GSAP: variants seen among roughly 807,000 people sequenced by gnomAD.
GSAP encodes gamma-secretase activating protein, also known as gamma-secretase-activating protein.
A neutral mutation model predicts 131.7 loss-of-function variants in GSAP; 118 were observed. The ratio of observed to expected loss-of-function variants is 0.90; its 90% CI spans 0.77 to 1.04. The LOEUF (loss-of-function observed/expected upper bound fraction) is 1.04, where lower values mean the gene tolerates loss of function less well. Among genes scored for constraint, GSAP ranks in the 50% least tolerant of loss-of-function variants. GSAP has a pLI of 0.00. For missense variants in GSAP, 1,019 were observed against 1,013.2 expected (o/e 1.01, Z -0.08); for synonymous variants, 381 against 363.4 (o/e 1.05, Z -0.55).
intron 17 of GSAP, 50 bp from the exon 18 acceptor site, chr7:77,353,076 G>A (rs1445436717): frequency 1.0e-6 from 1 of 992,750 alleles, no homozygotes; most frequent in South Asian, 1.3e-5. Flanking sequence ...GGTTTAATAA[G>A]ATGATGACAG....
intron 14 of GSAP, among the ~76,000 whole-genome samples, chr7:77,357,474 A>G (rs1055359433): frequency 3.3e-5 from 5 of 152,184 alleles, no homozygotes; most frequent in Non-Finnish European, 5.9e-5. Context: ...CGACCATACA[A>G]TGAGGAAAGT....
chr7:77,355,073 G>T (rs752092659), intron 16 of GSAP, 140 bp downstream of exon 16: 8 of 618,318 alleles, frequency 1.3e-5, no homozygotes, highest in Non-Finnish European at 2.3e-5. Context: ...CAGCGCAAAA[G>T]ATGACGATGT....
In GSAP at chr7:77,381,316, C is replaced by T. The variant is rs758673519; in HGVS notation, c.565G>A (p.Gly189Arg). 2 of 1,558,700 alleles carry T rather than the reference C, an allele frequency of 1.3e-6. No individual in the cohort carries two copies. Among genetic ancestry groups the T allele is most frequent in the Non-Finnish European group, 1.7e-6 (2 of 1,146,964 alleles). The stretch of plus-strand genomic sequence containing the variant: ...TTTCAAATCTTTACCACTCTATTTC[C>T]ATCTTCTTGGGCGACATGGATACGA... ...QFRIHVAQEDGNRVVIKNSGH... is the reference protein window; with the variant it reads ...QFRIHVAQEDRNRVVIKNSGH... Residue 189 changes from glycine to arginine, a missense_variant, in exon 8 of 31, where the codon GGA (glycine) becomes AGA (arginine). Coordinates refer to ENST00000257626, the MANE Select transcript of GSAP (RefSeq NM_017439.4).
chr7:77,392,406 G>A (rs1799721035), intron 5 of GSAP, among the ~76,000 whole-genome samples: 1 of 151,932 alleles, frequency 6.6e-6, no homozygotes, highest in Non-Finnish European at 1.5e-5. Context: ...AAATTAGCCA[G>A]GCGTGGTGGC....
intron 19 of GSAP, among the ~76,000 whole-genome samples, chr7:77,337,709 G>A (rs1402016116): frequency 6.6e-6 from 1 of 152,190 alleles, no homozygotes; most frequent in African/African-American, 2.4e-5. Flanking sequence ...CACTACAGAT[G>A]TCCAACTTAA....
At chr7:77,408,564 G>A (rs776224579) in intron 1 of GSAP, among the ~76,000 whole-genome samples, 14 of 151,654 alleles carry the variant, frequency 9.2e-5, no homozygotes, top group Non-Finnish European at 1.3e-4. Context: ...AGCTGGGCAC[G>A]GTGGTGCACA....
intron 19 of GSAP, among the ~76,000 whole-genome samples, chr7:77,342,250 G>A (rs1009880280): frequency 1.3e-5 from 2 of 151,830 alleles, no homozygotes; most frequent in Non-Finnish European, 1.5e-5. Context: ...AGGTAAGTCT[G>A]CCCCCTTCTT....
chr7:77,317,618 CT>C (rs1422608501), intron 26 of GSAP, among the ~76,000 whole-genome samples: 1 of 152,186 alleles, frequency 6.6e-6, no homozygotes, highest in Non-Finnish European at 1.5e-5. Flanking sequence ...TGGATAACAT[CT>C]TTGTTTTCCC....
chr7:77,391,053 G>A (rs1799417420), intron 5 of GSAP, among the ~76,000 whole-genome samples: 1 of 135,846 alleles, frequency 7.4e-6, no homozygotes, highest in South Asian at 2.3e-4. Flanking sequence ...CTTGAACCCA[G>A]GAAGCAGAGG....
intron 1 of GSAP, chr7:77,415,884 A>G (rs1804323428): frequency 1.1e-5 from 3 of 264,200 alleles, no homozygotes; most frequent in Non-Finnish European, 2.2e-5. Flanking sequence ...TGAGCTGAGC[A>G]CGACCCTCTG....
chr7:77,379,842 C>T, intron 8 of GSAP: 2 of 984,060 alleles, frequency 2.0e-6, no homozygotes, highest in Non-Finnish European at 2.4e-6. Flanking sequence ...GCTCCAGTGA[C>T]ATACTTTCTC....
At chr7:77,374,343 T>C (rs1189333224) in intron 11 of GSAP, among the ~76,000 whole-genome samples, 188 bp from the exon 12 acceptor site, 1 of 152,222 alleles carries the variant, frequency 6.6e-6, no homozygotes, top group African/African-American at 2.4e-5. Flanking sequence ...ATAAATGGCA[T>C]CAGCCTGATA....
At chr7:77,371,124 C>T (rs943860351) in intron 12 of GSAP, among the ~76,000 whole-genome samples, 1 of 152,138 alleles carries the variant, frequency 6.6e-6, no homozygotes, top group African/African-American at 2.4e-5. Context: ...TTCTAAGCTC[C>T]AGATCTTTTA....
intron 3 of GSAP, 23 bp downstream of exon 3, chr7:77,404,536 A>G: frequency 7.7e-7 from 1 of 1,302,800 alleles, no homozygotes; most frequent in East Asian, 2.3e-5. Flanking sequence ...TAAAGTAACC[A>G]ATGAGTAATC....
intron 14 of GSAP, among the ~76,000 whole-genome samples, chr7:77,358,282 A>C (rs1280934397): frequency 6.6e-6 from 1 of 152,262 alleles, no homozygotes; most frequent in Non-Finnish European, 1.5e-5. Flanking sequence ...CAGAGGTTGC[A>C]GTGAGCCAAG....
chr7:77,317,650 T>C (rs1787040129), intron 26 of GSAP, among the ~76,000 whole-genome samples: 1 of 152,206 alleles, frequency 6.6e-6, no homozygotes, highest in Non-Finnish European at 1.5e-5. Flanking sequence ...TGTGAAGGAA[T>C]GTGAGTTGGG....
In GSAP at chr7:77,374,553, C is replaced by T. The variant is rs191263899; in HGVS notation, c.786-398G>A. On this transcript the variant is annotated intron_variant, in intron 11 of 30. Coordinates refer to ENST00000257626, the MANE Select transcript of GSAP (RefSeq NM_017439.4). ...TCTTCTACATATTGATGGCCTTATGCTTATTTTTTCAGAAGCATCTCATGT... is the reference window on the plus strand; with the variant it reads ...TCTTCTACATATTGATGGCCTTATGTTTATTTTTTCAGAAGCATCTCATGT... Among the ~76,000 whole-genome samples, 338 of 151,234 alleles carry T rather than the reference C, an allele frequency of 2.2e-3. 1 individual carries two copies. Among genetic ancestry groups the T allele is most frequent in the African/African-American group, 7.5e-3 (308 of 41,220 alleles).
Position 77,355,537 on chromosome 7 carries a change from G to C in GSAP, c.1120+18C>G. The C allele has an allele frequency of 1.9e-6, 3 of 1,583,120 alleles. No homozygotes were observed. Among genetic ancestry groups the C allele is most frequent in the Middle Eastern group, 3.3e-4 (2 of 5,984 alleles). The stretch of plus-strand genomic sequence containing the variant: ...ACTCAAATGGGCCACCTCTACAAGA[G>C]AAAAACTATAGCCGTACCTGTCAGA... On this transcript the variant is annotated intron_variant, in intron 15 of 30. Coordinates refer to ENST00000257626, the MANE Select transcript of GSAP (RefSeq NM_017439.4).
At chr7:77,333,803 T>C (rs551569672) in intron 19 of GSAP, among the ~76,000 whole-genome samples, 1 of 152,196 alleles carries the variant, frequency 6.6e-6, no homozygotes, top group South Asian at 2.1e-4. Context: ...TTTTAGATGT[T>C]GTAACCCAGA....
Sources: gnomAD v4.1 joint callset for allele counts (sites outside exome capture counted in the v4.1 genomes callset) on GRCh38, gnomAD v4.1.1 for gene constraint, MANE v1.5 for transcripts, NCBI Gene and HGNC (gene_info 2026-07-23, HGNC 2026-07-21) for gene names.